Variants in CRACD observed in about 807,000 individuals in gnomAD.
The protein encoded by CRACD is capping protein inhibiting regulator of actin dynamics.
CRACD carries 56 observed loss-of-function variants against 106.8 expected under a neutral mutation model. The ratio of observed to expected loss-of-function variants is 0.52; its 90% CI spans 0.42 to 0.66. The LOEUF is 0.66. Ranked by LOEUF, CRACD falls within the 30% of genes least tolerant of loss-of-function variation. The pLI is 0.00. For missense variants in CRACD, 1,730 were observed against 1,623.2 expected (o/e 1.07, Z -1.13); for synonymous variants, 754 against 670.8 (o/e 1.12, Z -1.92).
rs1338090547 is a variant in CRACD at position 56,279,867 on chromosome 4, C to A, written c.-17+7375C>A. Among the ~76,000 whole-genome samples the A allele has an allele frequency of 3.9e-5, 6 of 152,000 alleles. No individual in the cohort carries two copies. In the East Asian group the frequency reaches 1.2e-3, roughly 29 times the overall value. ...ACGTATGTTTATTGCGGCACTATTC[C>A]CAATAGCAAAGACTTGGAACCAAGC... On this transcript the variant is annotated intron_variant, in intron 3 of 10. Transcript: ENST00000682029.
chr4:56,068,103 A>G (rs1355896862), intron 1 of CRACD, among the ~76,000 whole-genome samples: 1 of 152,168 alleles, frequency 6.6e-6, no homozygotes, highest in Non-Finnish European at 1.5e-5. Flanking sequence ...AAGGCAGGGA[A>G]GAAGGATCAG....
intron 1 of CRACD, among the ~76,000 whole-genome samples, chr4:56,140,723 G>A (rs961606296): frequency 3.3e-5 from 5 of 152,120 alleles, no homozygotes; most frequent in Admixed American, 6.6e-5. Context: ...TGAAACATCC[G>A]CTTTTGCCCT....
At chr4:56,163,514 T>A (rs568227832) in intron 1 of CRACD, among the ~76,000 whole-genome samples, 1 of 152,256 alleles carries the variant, frequency 6.6e-6, no homozygotes, top group East Asian at 1.9e-4. Flanking sequence ...TTAAAAAAAG[T>A]AACAATTTTT....
chr4:56,079,450 CTTT>C (rs112556427), intron 1 of CRACD, among the ~76,000 whole-genome samples: 1 of 142,432 alleles, frequency 7.0e-6, no homozygotes. Flanking sequence ...TTCTTCTTTT[CTTT>C]TTTTTTTTTT....
intron 2 of CRACD, among the ~76,000 whole-genome samples, chr4:56,188,711 C>CACACACAGAG (rs1446016845): frequency 3.5e-5 from 4 of 113,172 alleles, no homozygotes; most frequent in Admixed American, 8.6e-5. Context: ...CACACACACA[C>CACACACAGAG]AGAGAGAGAG....
chr4:56,314,796 G>C lies in CRACD; in HGVS notation c.1294G>C (p.Asp432His), dbSNP rs750855079. The C allele has an allele frequency of 1.2e-6, 2 of 1,602,092 alleles. No homozygotes were observed. Among genetic ancestry groups the C allele is most frequent in the Non-Finnish European group, 1.7e-6 (2 of 1,175,826 alleles). The change falls in exon 8 of 11, where the codon GAC (aspartate) becomes CAC (histidine). Residue 432 changes from aspartate (D) to histidine (H), a missense_variant. Asp to His is a moderately conservative substitution (Grantham distance 81). Around this residue, in one of 5 missense-constraint regions of CRACD, gnomAD observed 1,620 missense variants for 1,481.6 expected, o/e 1.09. Coordinates refer to ENST00000682029, the MANE Select transcript of CRACD (RefSeq NM_001393381.1). This position sits in a 1 kb window ranked among gnomAD's most constrained non-coding sequence, Gnocchi z 4.4. ...GAACGACTTTGAGGAGAGGCTCGAAGACCAGGAACGCCTGAAACCCGAAGG... is the reference window on the plus strand; with the variant it reads ...GAACGACTTTGAGGAGAGGCTCGAACACCAGGAACGCCTGAAACCCGAAGG... ...LLNDFEERLE[D>H]QERLKPEGQR...
intron 4 of CRACD, among the ~76,000 whole-genome samples, chr4:56,302,649 C>T (rs1028189675): frequency 6.6e-6 from 1 of 151,574 alleles, no homozygotes; most frequent in African/African-American, 2.4e-5. Context: ...TATGCTTTTT[C>T]TTTTTTTTTA....
At chr4:56,256,720 G>A (rs4865081) in intron 2 of CRACD, among the ~76,000 whole-genome samples, 13,624 of 152,202 alleles carry the variant, frequency 0.09, 1,849 homozygotes, top group East Asian at 0.61. Flanking sequence ...AAATGCCCAT[G>A]GTCCTCATTC....
rs149794109 is a variant in CRACD, at chr4:56,132,715, T to C, written c.-335-46569T>C. ...TGTATAAATTGACCATACTGTAAGC[T>C]TCTAGAGGGCAGACACATCATTTCC... is the stretch of plus-strand genomic sequence containing the variant. On this transcript the variant is annotated intron_variant, in intron 1 of 10. Transcript: ENST00000682029. Among the ~76,000 whole-genome samples, 993 of 152,284 alleles carry C rather than the reference T, an allele frequency of 6.5e-3. 6 individuals are homozygous for C. The highest frequency in any genetic ancestry group is 0.031 in the Middle Eastern group (9 of 294).
rs1379506255 is a variant in CRACD at position 56,072,143 on chromosome 4, AAG to A, written c.-336+22846_-336+22847del. 7.7e-4 allele frequency among the ~76,000 whole-genome samples: 108 copies of A among 141,124 alleles called. 1 individual carries two copies. The highest frequency in any genetic ancestry group is 3.1e-3 in the African/African-American group (97 of 31,486). The allele number at this position is 141,124 out of a possible 152,430, so 92.6% of individuals were successfully genotyped here. On this transcript the variant is annotated intron_variant, in intron 1 of 10. Coordinates refer to ENST00000682029, the MANE Select transcript of CRACD (RefSeq NM_001393381.1). The stretch of plus-strand genomic sequence containing the variant: ...ACTCCGTCTCAAAAAAAAAAAAAAA[AAG>A]AAAAGTTTCAGAATTGGGACATTTG...
chr4:56,092,864 G>A (rs1306136726), intron 1 of CRACD, among the ~76,000 whole-genome samples: 1 of 152,158 alleles, frequency 6.6e-6, no homozygotes, highest in Non-Finnish European at 1.5e-5. Flanking sequence ...CCTTACAGCA[G>A]GAGAGCAAAG....
rs77481963 is a variant in CRACD at position 56,314,656 on chromosome 4, C to T, written c.1154C>T (p.Ala385Val). Residue 385 changes from alanine to valine, a missense_variant, in exon 8 of 11, where the codon GCG becomes GTG. By Grantham distance (64) the Ala-to-Val change is moderately conservative. Around this residue, in one of 5 missense-constraint regions of CRACD, gnomAD observed 1,620 missense variants for 1,481.6 expected, o/e 1.09. Transcript: ENST00000682029. This position sits in a 1 kb window ranked among gnomAD's most constrained non-coding sequence, Gnocchi z 4.4. ...GCGGAGGTGCAGGGGCCGCCCGAGGCGTTGGAGGAGACTGGGGAGGGCCGG... is the reference window on the plus strand; with the variant it reads ...GCGGAGGTGCAGGGGCCGCCCGAGGTGTTGGAGGAGACTGGGGAGGGCCGG... ...QEAEVQGPPE[A>V]LEETGEGRRG... 23 of 1,545,604 alleles carry T rather than the reference C, an allele frequency of 1.5e-5. No individual in the cohort carries two copies. In the African/African-American group the frequency reaches 2.9e-4, roughly 20 times the overall value.
chr4:56,315,419 C>T lies in CRACD; in HGVS notation c.1917C>T (p.Pro639=), dbSNP rs1054857144. The change falls in exon 8 of 11, where the codon CCC becomes CCT. Residue 639 remains proline, a synonymous_variant. Transcript: ENST00000682029. This position sits in a 1 kb window ranked among gnomAD's most constrained non-coding sequence, Gnocchi z 4.1. The stretch of plus-strand genomic sequence containing the variant: ...AAGCCCCAGCTGGGGAGAACCCTCC[C>T]CGAGGCCCCGGCGACGCGAGGGCGG... The part of the protein sequence containing the change: ...HAEAPAGENP[P]RGPGDARAGS... 3 of 1,612,528 alleles carry T rather than the reference C, an allele frequency of 1.9e-6. No homozygotes were observed. Among genetic ancestry groups the T allele is most frequent in the African/African-American group, 2.7e-5 (2 of 74,916 alleles).
chr4:56,327,620 C>A, intron 10 of CRACD, 24 bp from the exon 11 acceptor site: 1 of 1,594,268 alleles, frequency 6.3e-7, no homozygotes, highest in South Asian at 1.1e-5. Context: ...TTACTTTTTC[C>A]TTTTCCTTCA....
intron 1 of CRACD, among the ~76,000 whole-genome samples, chr4:56,168,690 T>G (rs1369947053): frequency 1.3e-5 from 2 of 148,934 alleles, no homozygotes; most frequent in Admixed American, 6.7e-5. Flanking sequence ...TATAACTATG[T>G]AACTACATAT....
chr4:56,049,550 C>T (rs1268440984), intron 1 of CRACD, among the ~76,000 whole-genome samples: 1 of 152,126 alleles, frequency 6.6e-6, no homozygotes, highest in African/African-American at 2.4e-5. Flanking sequence ...GGGAACCTGC[C>T]GCCGGGCTGC....
At chr4:56,111,261 A>G (rs1734112546) in intron 1 of CRACD, among the ~76,000 whole-genome samples, 1 of 152,160 alleles carries the variant, frequency 6.6e-6, no homozygotes, top group Non-Finnish European at 1.5e-5. Flanking sequence ...TTATTACTCA[A>G]AAATCGAGAG....
chr4:56,097,679 C>G (rs1733641986), intron 1 of CRACD, among the ~76,000 whole-genome samples: 1 of 151,826 alleles, frequency 6.6e-6, no homozygotes. Flanking sequence ...TCTAAGCTGG[C>G]TAAGAAATTT....
chr4:56,271,801 G>A (rs565641398), intron 2 of CRACD, among the ~76,000 whole-genome samples: 6 of 151,952 alleles, frequency 3.9e-5, no homozygotes, highest in South Asian at 4.2e-4. Flanking sequence ...ACTGGAGTGC[G>A]GTGGTGTGAT....
Sources: allele counts gnomAD v4.1 joint callset (sites outside exome capture counted in the v4.1 genomes callset), GRCh38; gene constraint gnomAD v4.1.1; regional missense constraint gnomAD v4.1.1; non-coding constraint Gnocchi (gnomAD v3.1); transcripts MANE v1.5; gene names NCBI Gene and HGNC (gene_info 2026-07-23, HGNC 2026-07-21).